KATNAL1: variants seen among roughly 807,000 people sequenced by gnomAD.
KATNAL1 encodes katanin catalytic subunit A1 like 1, also known as katanin p60 ATPase-containing subunit A-like 1.
KATNAL1 carries 32 observed loss-of-function variants against 55.2 expected under a neutral mutation model. That is an observed-to-expected ratio of 0.58 (90% CI 0.44 to 0.78). The LOEUF is 0.78. KATNAL1 is among the 30% of genes least tolerant of loss of function. The pLI, the probability that KATNAL1 is intolerant of heterozygous loss-of-function variation, is 0.00. For synonymous variants in KATNAL1, 193 were observed against 193.6 expected, an observed-to-expected ratio of 1.00 and a Z score of 0.02; for missense variants, 466 against 600.9, an observed-to-expected ratio of 0.78 and a Z score of 2.35.
At chr13:30,262,860 C>T (rs1879421849) in intron 3 of KATNAL1, among the ~76,000 whole-genome samples, 2 of 152,084 alleles carry the variant, frequency 1.3e-5, no homozygotes, top group Admixed American at 1.3e-4. Flanking sequence ...TCCTCCCTAA[C>T]TCATTTTATG....
intron 3 of KATNAL1, among the ~76,000 whole-genome samples, chr13:30,258,852 C>T (rs971533855): frequency 1.1e-4 from 17 of 152,098 alleles, no homozygotes; most frequent in African/African-American, 4.1e-4. Flanking sequence ...GGTGTCTTCA[C>T]AAACCAAGTA....
intron 1 of KATNAL1, 87 bp from the exon 2 acceptor site, chr13:30,283,878 T>C (rs909622227): frequency 4.0e-4 from 68 of 168,046 alleles, no homozygotes; most frequent in Non-Finnish European, 5.7e-4. Flanking sequence ...TTAAAACTAC[T>C]TTTTTTTTTT....
intron 1 of KATNAL1, among the ~76,000 whole-genome samples, chr13:30,287,092 A>G (rs1881838556): frequency 6.6e-6 from 1 of 152,160 alleles, no homozygotes; most frequent in Admixed American, 6.5e-5. Context: ...CTTGTCTCAG[A>G]TGAGACTTTG....
At chr13:30,222,767 A>G (rs1461359381) in intron 9 of KATNAL1, among the ~76,000 whole-genome samples, 2 of 152,218 alleles carry the variant, frequency 1.3e-5, no homozygotes, top group Non-Finnish European at 2.9e-5. Flanking sequence ...CACCAATTAC[A>G]TTAAATTTAA....
At chr13:30,272,757 G>A (rs769497653) in intron 3 of KATNAL1, among the ~76,000 whole-genome samples, 161 of 151,882 alleles carry the variant, frequency 1.1e-3, no homozygotes, top group South Asian at 1.7e-3. Flanking sequence ...TAATATAAAC[G>A]CTCGCCAGAG....
intron 4 of KATNAL1, among the ~76,000 whole-genome samples, chr13:30,249,232 CAA>C (rs879849637): frequency 4.5e-5 from 6 of 132,696 alleles, no homozygotes; most frequent in African/African-American, 5.6e-5. Flanking sequence ...AATTCTGTCT[CAA>C]AAAAAAAAAA....
intron 4 of KATNAL1, among the ~76,000 whole-genome samples, chr13:30,241,328 A>G (rs1477359447): frequency 6.6e-6 from 1 of 152,206 alleles, no homozygotes; most frequent in East Asian, 1.9e-4. Flanking sequence ...TGCAGGTAAG[A>G]CTAAACTGAT....
intron 9 of KATNAL1, among the ~76,000 whole-genome samples, chr13:30,223,666 T>C (rs1203308035): frequency 6.6e-6 from 1 of 152,144 alleles, no homozygotes; most frequent in African/African-American, 2.4e-5. Context: ...AATGATAATT[T>C]ATTTACTTAA....
chr13:30,205,924 T>TTG lies in KATNAL1; in HGVS notation c.*2615_*2616insCA, dbSNP rs1873095734. 2.1e-5 allele frequency: 2 copies of TTG among 96,268 alleles called. No individual in the cohort carries two copies. The highest frequency in any genetic ancestry group is 7.5e-4 in the South Asian group (2 of 2,680). The allele number at this position is 96,268 out of a possible 1,614,324, so 6.0% of individuals were successfully genotyped here. A position where few individuals can be genotyped will look rare whatever the true frequency, so the allele number is the denominator to read the frequency against. On this transcript the variant is annotated 3_prime_UTR_variant, in exon 11 of 11. Coordinates refer to ENST00000380615, the MANE Select transcript of KATNAL1 (RefSeq NM_032116.5). ...TAAGGCAACACACTGTCTTCTGAAA[T>TTG]AGTGTGTGTGTGTGTGTGTGTGTGT...
At position 30,203,208 on chromosome 13, in the gene KATNAL1, A is replaced by G. The variant is rs529065660; in HGVS notation, c.*5332T>C. The G allele has an allele frequency of 8.5e-5, 13 of 152,382 alleles. No homozygotes were observed. The highest frequency in any genetic ancestry group is 3.1e-4 in the African/African-American group (13 of 41,590). The allele number at this position is 152,382 out of a possible 1,614,324, so 9.4% of individuals were successfully genotyped here. A position where few individuals can be genotyped will look rare whatever the true frequency, so the allele number is the denominator to read the frequency against. The stretch of plus-strand genomic sequence containing the variant: ...ATTTCACAGAGGCCTTATTTGGAAT[A>G]CAAACACTTTGCTAGAGAAAGAAAG... On this transcript the variant is annotated 3_prime_UTR_variant, in exon 11 of 11. Coordinates refer to ENST00000380615, the MANE Select transcript of KATNAL1 (RefSeq NM_032116.5).
chr13:30,221,323 G>C (rs916535881), intron 9 of KATNAL1, among the ~76,000 whole-genome samples: 1 of 152,142 alleles, frequency 6.6e-6, no homozygotes, highest in African/African-American at 2.4e-5. Context: ...TGCATGTATT[G>C]GCCAACAGGC....
At chr13:30,274,396 C>A in intron 3 of KATNAL1, among the ~76,000 whole-genome samples, 1 of 152,052 alleles carries the variant, frequency 6.6e-6, no homozygotes, top group Non-Finnish European at 1.5e-5. Context: ...AAAATTTCCT[C>A]TTTGCTGAAA....
At chr13:30,233,608 A>G (rs1421937685) in intron 6 of KATNAL1, among the ~76,000 whole-genome samples, 2 of 151,508 alleles carry the variant, frequency 1.3e-5, no homozygotes, top group Non-Finnish European at 1.5e-5. Flanking sequence ...CAAAAAAAAA[A>G]AAAGAAATCG....
At chr13:30,270,826 G>C (rs9551882) in intron 3 of KATNAL1, among the ~76,000 whole-genome samples, 86 of 150,054 alleles carry the variant, frequency 5.7e-4, no homozygotes, top group Admixed American at 2.6e-4. Context: ...TTGTTCACTT[G>C]TTTATCTGCT....
At chr13:30,276,098 T>A (rs1351934906) in intron 3 of KATNAL1, among the ~76,000 whole-genome samples, 3 of 152,214 alleles carry the variant, frequency 2.0e-5, no homozygotes, top group African/African-American at 7.2e-5. Flanking sequence ...AAGAATGAGC[T>A]AGAGACTTCA....
Position 30,283,699 on chromosome 13 carries a change from C to G in KATNAL1, c.79G>C (p.Val27Leu). 6.2e-7 allele frequency: 1 copy of G among 1,613,940 alleles called. No homozygotes were observed. The highest frequency in any genetic ancestry group is 8.5e-7 in the Non-Finnish European group (1 of 1,179,900). Residue 27 changes from valine (V) to leucine (L), a missense_variant, in exon 2 of 11, where the codon GTA becomes CTA. Transcript: ENST00000380615. ...TGCTGCATCACCCCCTGGTAATATA[C>G]CATTGATGAGTCGTAATTTCCAAGA... ...ALLGNYDSSM[V>L]YYQGVMQQIQ...
intron 1 of KATNAL1, among the ~76,000 whole-genome samples, chr13:30,286,233 T>C (rs75429777): frequency 0.016 from 2,484 of 152,178 alleles, 73 homozygotes; most frequent in African/African-American, 0.055. Context: ...ATGGGGAAAA[T>C]GCCTCCAGGG....
rs1316975339 is a variant in KATNAL1, at chr13:30,241,092, G to A, written c.493-6C>T. 4.3e-6 allele frequency: 7 copies of A among 1,609,986 alleles called. No homozygotes were observed. The highest frequency in any genetic ancestry group is 1.3e-5 in the African/African-American group (1 of 74,812). On this transcript the variant is annotated splice_polypyrimidine_tract_variant and splice_region_variant and intron_variant, in intron 4 of 10. Coordinates refer to ENST00000380615, the MANE Select transcript of KATNAL1 (RefSeq NM_032116.5). ...TCTTGCATATTCTTCCTTCCCTGGG[G>A]ATAGGTATAAAAAAAAAGTACTAGT...
chr13:30,223,407 A>C lies in KATNAL1; in HGVS notation c.1147+4005T>G, dbSNP rs570310534. Among the ~76,000 whole-genome samples, 14 of 130,252 alleles carry C rather than the reference A, an allele frequency of 1.1e-4. No individual in the cohort carries two copies. The South Asian group carries it at 3.4e-3, about 32-fold the overall frequency. The allele number at this position is 130,252 out of a possible 152,430, so 85.5% of individuals were successfully genotyped here. A position where few individuals can be genotyped will look rare whatever the true frequency, so the allele number is the denominator to read the frequency against. On this transcript the variant is annotated intron_variant, in intron 9 of 10. Coordinates refer to ENST00000380615, the MANE Select transcript of KATNAL1 (RefSeq NM_032116.5). ...CAGTGAGCCCAGATCCTGCCACTGC[A>C]CTCCAGCCAGGGTGACAGAGCGAGA...
Sources: gnomAD v4.1 joint callset for allele counts (sites outside exome capture counted in the v4.1 genomes callset) on GRCh38, gnomAD v4.1.1 for gene constraint, MANE v1.5 for transcripts, NCBI Gene and HGNC (gene_info 2026-07-23, HGNC 2026-07-21) for gene names.